The following CTNNBIP1 variants were observed in gnomAD, a reference collection of about 807,000 sequenced individuals.
CTNNBIP1 encodes beta-catenin-interacting protein 1.
CTNNBIP1 carries 7 observed loss-of-function variants against 11.8 expected under a neutral mutation model. The observed-to-expected ratio is 0.60, with a 90% CI of 0.34 to 1.12. CTNNBIP1 has a LOEUF of 1.12. Ranked by LOEUF, CTNNBIP1 falls within the 50% of genes most tolerant of loss-of-function variation. The pLI is 0.03. For missense variants in CTNNBIP1, 101 were observed against 113.4 expected, an observed-to-expected ratio of 0.89 and a Z score of 0.50; for synonymous variants, 58 against 43.9, an observed-to-expected ratio of 1.32 and a Z score of -1.26.
At chr1:9,859,566 T>C (rs948872547) in intron 5 of CTNNBIP1, among the ~76,000 whole-genome samples, 1 of 152,244 alleles carries the variant, frequency 6.6e-6, no homozygotes, top group Non-Finnish European at 1.5e-5. Flanking sequence ...TCCCTCTTGC[T>C]ATTTGAGACT....
At chr1:9,891,159 T>TG (rs900662694) in intron 1 of CTNNBIP1, among the ~76,000 whole-genome samples, 2 of 115,272 alleles carry the variant, frequency 1.7e-5, no homozygotes, top group African/African-American at 6.7e-5. Context: ...TTGGCGGGGG[T>TG]GGGGGGCACT....
intron 1 of CTNNBIP1, among the ~76,000 whole-genome samples, chr1:9,904,090 T>G (rs1006203397): frequency 2.6e-5 from 4 of 152,228 alleles, no homozygotes; most frequent in Admixed American, 6.5e-5. Context: ...TCTCATTTTC[T>G]AAATGAGCAC....
chr1:9,859,046 C>G (rs1332081694), intron 5 of CTNNBIP1, among the ~76,000 whole-genome samples: 1 of 152,126 alleles, frequency 6.6e-6, no homozygotes, highest in African/African-American at 2.4e-5. Flanking sequence ...CCAGGGACAC[C>G]TTGGAGATAA....
rs532687552 is a variant in CTNNBIP1 at position 9,867,186 on chromosome 1, C to T, written c.187+4001G>A. 5.3e-5 allele frequency among the ~76,000 whole-genome samples: 8 copies of T among 152,152 alleles called. No individual in the cohort carries two copies. The East Asian group carries it at 5.8e-4, about 11-fold the overall frequency. ...GTGGGAAACAGCCAGTGAGGGGTGA[C>T]GTGAAGGACAAGGGAGGGAAAGGAG... On this transcript the variant is annotated intron_variant, in intron 5 of 5. Transcript: ENST00000377263. This position sits in a 1 kb window ranked among gnomAD's most constrained non-coding sequence, Gnocchi z 4.6.
At chr1:9,869,521 C>T (rs1434995567) in intron 5 of CTNNBIP1, among the ~76,000 whole-genome samples, 9 of 151,956 alleles carry the variant, frequency 5.9e-5, no homozygotes, top group African/African-American at 1.2e-4. Flanking sequence ...GATGGGGTTT[C>T]GCCACGTTGG....
At chr1:9,877,737 G>A (rs1369663336) in intron 3 of CTNNBIP1, among the ~76,000 whole-genome samples, 168 bp downstream of exon 3, 1 of 148,392 alleles carries the variant, frequency 6.7e-6, no homozygotes, top group African/African-American at 2.6e-5. Context: ...TTCTCCAGAA[G>A]ACCCAACACA....
chr1:9,860,279 C>T (rs974148637), intron 5 of CTNNBIP1, among the ~76,000 whole-genome samples: 4 of 151,936 alleles, frequency 2.6e-5, no homozygotes, highest in African/African-American at 4.8e-5. Flanking sequence ...TGGACACTCC[C>T]GCATCACCCA....
chr1:9,897,031 A>G (rs1639422569), intron 1 of CTNNBIP1, among the ~76,000 whole-genome samples: 1 of 151,938 alleles, frequency 6.6e-6, no homozygotes, highest in Non-Finnish European at 1.5e-5. Context: ...AATCCCAGCT[A>G]CTCAGGAGGC....
At chr1:9,895,924 G>A (rs762137191) in intron 1 of CTNNBIP1, among the ~76,000 whole-genome samples, 1 of 152,126 alleles carries the variant, frequency 6.6e-6, no homozygotes, top group Non-Finnish European at 1.5e-5. Flanking sequence ...CACCACGCCC[G>A]ACCTTCCCAA....
intron 5 of CTNNBIP1, among the ~76,000 whole-genome samples, chr1:9,857,733 G>A (rs1638539166): frequency 1.3e-5 from 2 of 151,980 alleles, no homozygotes; most frequent in South Asian, 4.1e-4. Context: ...CCCAGGAGGT[G>A]GAGGCTGCAG....
intron 1 of CTNNBIP1, among the ~76,000 whole-genome samples, chr1:9,896,533 T>C (rs1379941239): frequency 6.6e-6 from 1 of 151,906 alleles, no homozygotes; most frequent in African/African-American, 2.4e-5. Flanking sequence ...ACCCCGTCTC[T>C]ACTAAAAATA....
At chr1:9,882,540 C>T (rs1570584300) in intron 2 of CTNNBIP1, among the ~76,000 whole-genome samples, 1 of 152,320 alleles carries the variant, frequency 6.6e-6, no homozygotes, top group East Asian at 1.9e-4. Flanking sequence ...AGAGCTGGAC[C>T]ACAGGGGCAC....
chr1:9,879,396 G>C (rs1325209990), intron 2 of CTNNBIP1, among the ~76,000 whole-genome samples: 1 of 152,124 alleles, frequency 6.6e-6, no homozygotes, highest in Non-Finnish European at 1.5e-5. Context: ...GTTGCTCGAT[G>C]ACCCAAGGGG....
At chr1:9,910,037 C>CCGGCG (rs912295270) in intron 1 of CTNNBIP1, 58 bp downstream of exon 1, 26 of 149,018 alleles carry the variant, frequency 1.7e-4, no homozygotes, top group East Asian at 5.9e-4. Context: ...CCCCCAAGCC[C>CCGGCG]CGGCGCGGCG....
rs1212527880 is a variant in CTNNBIP1 at position 9,871,163 on chromosome 1, C to T, written c.187+24G>A. Reference sequence around the variant, plus strand: ...TGCCCCTGGGACTTGTGCCACTGCCCCAGCCCCTCTGCCGCCAACTCACCC... The same window carrying T: ...TGCCCCTGGGACTTGTGCCACTGCCTCAGCCCCTCTGCCGCCAACTCACCC... On this transcript the variant is annotated intron_variant, in intron 5 of 5. Transcript: ENST00000377263. The surrounding 1 kb of genome is among the most constrained non-coding windows in gnomAD (Gnocchi z 5.2). 1 of 1,542,406 alleles carries T rather than the reference C, an allele frequency of 6.5e-7. No homozygotes were observed. Among genetic ancestry groups the T allele is most frequent in the Non-Finnish European group, 8.8e-7 (1 of 1,141,728 alleles).
At chr1:9,908,450 T>C (rs1194678349) in intron 1 of CTNNBIP1, among the ~76,000 whole-genome samples, 1 of 145,004 alleles carries the variant, frequency 6.9e-6, no homozygotes, top group Non-Finnish European at 1.5e-5. Context: ...CTCGGCTCAC[T>C]GCAAGTTCCA....
chr1:9,892,223 C>A (rs1639318588), intron 1 of CTNNBIP1, among the ~76,000 whole-genome samples: 2 of 151,908 alleles, frequency 1.3e-5, no homozygotes, highest in Non-Finnish European at 1.5e-5. Context: ...GAGATCAAGA[C>A]CATCCTGGCT....
intron 5 of CTNNBIP1, among the ~76,000 whole-genome samples, chr1:9,859,140 C>T (rs958442556): frequency 2.6e-5 from 4 of 152,172 alleles, no homozygotes; most frequent in Admixed American, 2.6e-4. Flanking sequence ...TCCTATCTCC[C>T]CTGAGCCCTG....
At chr1:9,877,664 TATGAA>T (rs377616832) in intron 3 of CTNNBIP1, among the ~76,000 whole-genome samples, 74 of 152,254 alleles carry the variant, frequency 4.9e-4, no homozygotes, top group African/African-American at 1.6e-3. Flanking sequence ...CTAGAGCTTA[TATGAA>T]ATATTATCCA....
Sources: gnomAD v4.1 joint callset for allele counts (sites outside exome capture counted in the v4.1 genomes callset) on GRCh38, gnomAD v4.1.1 for gene constraint, Gnocchi (gnomAD v3.1) non-coding constraint, MANE v1.5 for transcripts, NCBI Gene and HGNC (gene_info 2026-07-23, HGNC 2026-07-21) for gene names.